NSD1: variants seen among roughly 807,000 people sequenced by gnomAD.
NSD1 encodes the protein histone-lysine N-methyltransferase, H3 lysine-36 specific.
Under a neutral mutation model 242.7 loss-of-function variants are expected in NSD1, and 26 were observed. The observed-to-expected ratio is 0.11, with a 90% CI of 0.08 to 0.15. The LOEUF (loss-of-function observed/expected upper bound fraction) is 0.15, where lower values mean the gene tolerates loss of function less well. Ranked by LOEUF, NSD1 falls within the 10% of genes least tolerant of loss-of-function variation. The pLI is 1.00. For synonymous variants in NSD1, 1,106 were observed against 1,178.1 expected (o/e 0.94, Z 1.25); for missense variants, 2,495 against 3,272.8 (o/e 0.76, Z 5.80).
chr5:177,159,538 C>T (rs763384544), intron 2 of NSD1, among the ~76,000 whole-genome samples: 23 of 151,716 alleles, frequency 1.5e-4, no homozygotes, highest in Non-Finnish European at 2.5e-4. Flanking sequence ...CCCACCTAAG[C>T]CTTCCAAAGT....
In NSD1 at chr5:177,300,057, G is replaced by GCCCCCCCCCCCCCC. The variant is rs60995782; in HGVS notation, c.*4611_*4612insCCCCCCCCCCCCCC. 2.3e-5 allele frequency: 3 copies of GCCCCCCCCCCCCCC among 129,928 alleles called. No individual in the cohort carries two copies. Among genetic ancestry groups the GCCCCCCCCCCCCCC allele is most frequent in the African/African-American group, 8.3e-5 (2 of 23,956 alleles). The allele number at this position is 129,928 out of a possible 1,614,324, so 8.0% of individuals were successfully genotyped here. A position where few individuals can be genotyped will look rare whatever the true frequency, so the allele number is the denominator to read the frequency against. On this transcript the variant is annotated 3_prime_UTR_variant, in exon 23 of 23. Transcript: ENST00000439151. ...AGGTCCATCATTGCTTTTTTGCCGCGCCCCCCCCCCCCCGCCCCCATAGAT... is the reference window on the plus strand; with the variant it reads ...AGGTCCATCATTGCTTTTTTGCCGCGCCCCCCCCCCCCCCCCCCCCCCCCCCCGCCCCCATAGAT...
At chr5:177,288,045 A>G (rs535194388) in intron 20 of NSD1, among the ~76,000 whole-genome samples, 1 of 152,258 alleles carries the variant, frequency 6.6e-6, no homozygotes, top group East Asian at 1.9e-4. Flanking sequence ...GTGATAGGCA[A>G]CCTCTTCACA....
At chr5:177,258,351 C>T (rs1174960682) in intron 13 of NSD1, among the ~76,000 whole-genome samples, 89 of 151,792 alleles carry the variant, frequency 5.9e-4, no homozygotes, top group Admixed American at 5.7e-3. Context: ...TTGGGGGTTT[C>T]GTGTTGATTT....
chr5:177,261,855 C>T (rs1397253942), intron 14 of NSD1, among the ~76,000 whole-genome samples: 2 of 152,038 alleles, frequency 1.3e-5, no homozygotes, highest in Non-Finnish European at 2.9e-5. Context: ...TTATTATCTA[C>T]TTATTGATTA....
rs1356477012 is a variant in NSD1 at position 177,134,079 on chromosome 5, G to C, written c.-18+127G>C. 6.6e-6 allele frequency: 1 copy of C among 151,130 alleles called. No homozygotes were observed. Among genetic ancestry groups the C allele is most frequent in the Non-Finnish European group, 1.5e-5 (1 of 67,682 alleles). The allele number at this position is 151,130 out of a possible 1,614,324, so 9.4% of individuals were successfully genotyped here. ...CGGGGGAGGGCCAGGCGCGATGCGG[G>C]GTTGGTGGCCGGCGGCGCTGCAGCC... On this transcript the variant is annotated intron_variant, in intron 1 of 22. Transcript: ENST00000439151. This position sits in a 1 kb window ranked among gnomAD's most constrained non-coding sequence, Gnocchi z 4.2.
chr5:177,136,241 ACT>A (rs927050930), intron 2 of NSD1: 12 of 527,352 alleles, frequency 2.3e-5, no homozygotes, highest in Non-Finnish European at 3.7e-5. Context: ...TTTCCAAATA[ACT>A]CTTCATTGAG....
At chr5:177,167,476 G>A (rs531385144) in intron 2 of NSD1, among the ~76,000 whole-genome samples, 10 of 152,104 alleles carry the variant, frequency 6.6e-5, no homozygotes, top group Admixed American at 2.6e-4. Flanking sequence ...CAGAGGTTGC[G>A]GTGAGCCGAG....
At chr5:177,284,147 C>T (rs771388198) in intron 20 of NSD1, among the ~76,000 whole-genome samples, 15 of 152,332 alleles carry the variant, frequency 9.8e-5, no homozygotes, top group Non-Finnish European at 1.9e-4. Flanking sequence ...CACTAAGTCC[C>T]CATTCTTCTT....
chr5:177,292,090 C>T lies in NSD1; in HGVS notation c.6395C>T (p.Ser2132Phe). 1 of 1,614,158 alleles carries T rather than the reference C, an allele frequency of 6.2e-7. No individual in the cohort carries two copies. The highest frequency in any genetic ancestry group is 1.7e-4 in the Middle Eastern group (1 of 6,060). The change falls in exon 22 of 23, where the codon TCC becomes TTC. Residue 2132 changes from serine (S) to phenylalanine (F), a missense_variant. Ser to Phe is a radical substitution (Grantham distance 155). Coordinates refer to ENST00000439151, the MANE Select transcript of NSD1 (RefSeq NM_022455.5). ...FSCGDAGQLV[S>F]CKKPGCPKVY... ...TGTGGGGATGCTGGCCAGCTCGTCT[C>T]CTGCAAGAAACCAGGCTGCCCAAAA...
intron 2 of NSD1, among the ~76,000 whole-genome samples, chr5:177,145,199 C>G (rs536514492): frequency 6.6e-6 from 1 of 151,560 alleles, no homozygotes; most frequent in South Asian, 2.1e-4. Flanking sequence ...GAAATTGTCT[C>G]TTCTCTCTAC....
chr5:177,161,680 C>CTTTTTTTTTTTTTTTT (rs57657595), intron 2 of NSD1, among the ~76,000 whole-genome samples: 5 of 135,248 alleles, frequency 3.7e-5, no homozygotes, highest in Non-Finnish European at 4.7e-5. Context: ...TTCTTTCTTT[C>CTTTTTTTTTTTTTTTT]TTTTTTTTTT....
At chr5:177,227,837 A>G (rs982281884) in intron 5 of NSD1, among the ~76,000 whole-genome samples, 6 of 151,532 alleles carry the variant, frequency 4.0e-5, no homozygotes, top group Non-Finnish European at 8.8e-5. Flanking sequence ...AATTCCAGCT[A>G]TTCGGGACAG....
chr5:177,289,847 AGGTGGAGTCTCGCTCT>A lies in NSD1; in HGVS notation c.6258+924_6258+939del, dbSNP rs1264706633. Among the ~76,000 whole-genome samples, 5 of 140,578 alleles carry A rather than the reference AGGTGGAGTCTCGCTCT, an allele frequency of 3.6e-5. No individual in the cohort carries two copies. In the East Asian group the frequency reaches 1.0e-3, roughly 29 times the overall value. 92.2% of individuals were successfully genotyped at this position (140,578 alleles called of 152,430 possible). A position where few individuals can be genotyped will look rare whatever the true frequency, so the allele number is the denominator to read the frequency against. ...TTGTTGTTTTGTGTTTTTTTTTTTG[AGGTGGAGTCTCGCTCT>A]GTTGCCCAGGCTGGAGTGCAGTGGC... is the stretch of plus-strand genomic sequence containing the variant. On this transcript the variant is annotated intron_variant, in intron 21 of 22. Transcript: ENST00000439151.
intron 2 of NSD1, among the ~76,000 whole-genome samples, chr5:177,182,600 C>T (rs1345275414): frequency 2.0e-5 from 3 of 151,812 alleles, no homozygotes; most frequent in African/African-American, 7.3e-5. Flanking sequence ...TTTTCCTCCC[C>T]TCCCTTCCCC....
intron 4 of NSD1, among the ~76,000 whole-genome samples, chr5:177,206,903 C>CT (rs1205377471): frequency 2.7e-5 from 4 of 149,960 alleles, no homozygotes; most frequent in African/African-American, 9.7e-5. Context: ...TTGATCCTTT[C>CT]TTTAAGAGGA....
At chr5:177,192,686 C>T (rs932263754) in intron 3 of NSD1, among the ~76,000 whole-genome samples, 1 of 152,138 alleles carries the variant, frequency 6.6e-6, no homozygotes. Context: ...ATGAGCCCTG[C>T]ACCAGGCCTA....
chr5:177,289,935 C>T (rs1759659471), intron 21 of NSD1, among the ~76,000 whole-genome samples: 1 of 151,426 alleles, frequency 6.6e-6, no homozygotes, highest in South Asian at 2.1e-4. Context: ...TCACGCCATT[C>T]TCCTGCCTCA....
At position 177,234,307 on chromosome 5, in the gene NSD1, AAC is replaced by A. The variant is rs1378831373; in HGVS notation, c.3797-1511_3797-1510del. Among the ~76,000 whole-genome samples, 5 of 152,308 alleles carry A rather than the reference AAC, an allele frequency of 3.3e-5. No homozygotes were observed. The East Asian group carries it at 9.6e-4, about 29-fold the overall frequency. On this transcript the variant is annotated intron_variant, in intron 5 of 22. Coordinates refer to ENST00000439151, the MANE Select transcript of NSD1 (RefSeq NM_022455.5). ...TGATTGTGATAATGAAGATGACATT[AAC>A]ACTGCAGAAAAAGTACCTATAGATG...
rs1398758211 is a variant in NSD1 at position 177,300,194 on chromosome 5, A to T, written c.*4735A>T. ...ATAGAAAAAAAATTTACTGTAAAGT[A>T]AAGTTTAACTTTACTCATATATGGC... is the stretch of plus-strand genomic sequence containing the variant. On this transcript the variant is annotated 3_prime_UTR_variant, in exon 23 of 23. Coordinates refer to ENST00000439151, the MANE Select transcript of NSD1 (RefSeq NM_022455.5). 3 of 224,270 alleles carry T rather than the reference A, an allele frequency of 1.3e-5. No homozygotes were observed. Among genetic ancestry groups the T allele is most frequent in the South Asian group, 1.8e-4 (1 of 5,456 alleles). 13.9% of individuals were successfully genotyped at this position (224,270 alleles called of 1,614,324 possible).
Sources: gnomAD v4.1 joint callset for allele counts (sites outside exome capture counted in the v4.1 genomes callset) on GRCh38, gnomAD v4.1.1 for gene constraint, Gnocchi (gnomAD v3.1) non-coding constraint, MANE v1.5 for transcripts, NCBI Gene and HGNC (gene_info 2026-07-23, HGNC 2026-07-21) for gene names.